The following ZHX2 variants were observed in gnomAD, a reference collection of about 807,000 sequenced individuals.
The protein encoded by ZHX2 is zinc fingers and homeoboxes protein 2.
In ZHX2, 6 loss-of-function variants were observed where a neutral mutation model predicts 21.9. The observed-to-expected ratio is 0.27, with a 90% CI of 0.15 to 0.54. ZHX2 has a LOEUF of 0.54. ZHX2 is among the 20% of genes least tolerant of loss of function. ZHX2 has a pLI of 0.95. For missense variants in ZHX2, 908 were observed against 1,090.7 expected (o/e 0.83, Z 2.36); for synonymous variants, 434 against 437.1 (o/e 0.99, Z 0.09).
chr8:122,883,001 C>A (rs1819751271), intron 2 of ZHX2, among the ~76,000 whole-genome samples: 1 of 151,966 alleles, frequency 6.6e-6, no homozygotes, highest in Non-Finnish European at 1.5e-5. Flanking sequence ...AACAAACAAA[C>A]AAAAAATCAC....
chr8:122,850,867 C>T (rs951153559), intron 1 of ZHX2, among the ~76,000 whole-genome samples: 9 of 152,124 alleles, frequency 5.9e-5, no homozygotes, highest in Admixed American at 4.6e-4. Context: ...AGAGCAAAAG[C>T]CAAGTCCTCC....
Position 122,953,673 on chromosome 8 carries a change from G to T in ZHX2, c.2163G>T (p.Lys721Asn). The T allele has an allele frequency of 6.2e-7, 1 of 1,614,232 alleles. No individual in the cohort carries two copies. The highest frequency in any genetic ancestry group is 2.2e-5 in the East Asian group (1 of 44,880). ...CAAAACCCATGGCCGAGAGCCCAAA[G>T]AACGGGGGTGATGTGGTTCCACAAT... ...KATKPMAESPKNGGDVVPQYY... is the reference protein window; with the variant it reads ...KATKPMAESPNNGGDVVPQYY... The change falls in exon 3 of 4, where the codon AAG (lysine) becomes AAT (asparagine). Residue 721 changes from lysine to asparagine, a missense_variant. Physicochemically the swap from Lys to Asn is moderately conservative, Grantham distance 94. Around this residue, in one of 4 missense-constraint regions of ZHX2, gnomAD observed 431 missense variants for 428.6 expected, o/e 1.01. Transcript: ENST00000314393. The surrounding 1 kb of genome is among the most constrained non-coding windows in gnomAD (Gnocchi z 4.6).
rs563146765 is a variant in ZHX2 at position 122,940,573 on chromosome 8, G to A, written c.-219-10719G>A. 8.5e-5 allele frequency among the ~76,000 whole-genome samples: 13 copies of A among 152,188 alleles called. No individual in the cohort carries two copies. The South Asian group carries it at 2.7e-3, about 32-fold the overall frequency. On this transcript the variant is annotated intron_variant, in intron 2 of 3. Transcript: ENST00000314393. ...ACAGACCTCACTTCAAACTTCCATG[G>A]GCCACTCATGAAGCTTTTTTGGTTA...
chr8:122,813,341 G>A (rs138672783), intron 1 of ZHX2, among the ~76,000 whole-genome samples: 2,285 of 152,220 alleles, frequency 0.015, 34 homozygotes, highest in South Asian at 0.062. Flanking sequence ...CATTTCCCAT[G>A]GGTGTCTGGG....
intron 2 of ZHX2, among the ~76,000 whole-genome samples, chr8:122,909,210 C>T (rs1432162664): frequency 6.6e-6 from 1 of 152,052 alleles, no homozygotes; most frequent in Non-Finnish European, 1.5e-5. Flanking sequence ...GTGGGTGGAT[C>T]ACTTGAGGTC....
intron 2 of ZHX2, among the ~76,000 whole-genome samples, chr8:122,901,968 C>G (rs80275170): frequency 2.4e-4 from 37 of 152,162 alleles, no homozygotes; most frequent in African/African-American, 8.9e-4. Context: ...AGCACTGTAG[C>G]CCTTGAATTT....
At position 122,818,374 on chromosome 8, in the gene ZHX2, A is replaced by C. The variant is rs148739253; in HGVS notation, c.-283+36428A>C. On this transcript the variant is annotated intron_variant, in intron 1 of 3. Transcript: ENST00000314393. ...TCATACCCCTCGTGTCTGCAAGGCG[A>C]ATATGACCATGTTTCATCCCCATGT... Among the ~76,000 whole-genome samples, 235 of 151,990 alleles carry C rather than the reference A, an allele frequency of 1.5e-3. 1 individual carries two copies. The highest frequency in any genetic ancestry group is 5.1e-3 in the African/African-American group (211 of 41,444).
In ZHX2 at chr8:122,850,627, G is replaced by A. The variant is rs188845382; in HGVS notation, c.-282-12850G>A. On this transcript the variant is annotated intron_variant, in intron 1 of 3. Transcript: ENST00000314393. ...TGCACTCCAGCCTGGGCAAGAAAGC[G>A]AGACTCTGTCTCAAAAAAAAAAAAA... Among the ~76,000 whole-genome samples the A allele has an allele frequency of 6.1e-4, 78 of 126,888 alleles. No individual in the cohort carries two copies. In the South Asian group the frequency reaches 0.014, roughly 23 times the overall value. 83.2% of individuals were successfully genotyped at this position (126,888 alleles called of 152,430 possible).
rs77812004 is a variant in ZHX2 at position 122,821,087 on chromosome 8, G to C, written c.-283+39141G>C. ...CCTCGCCATGGAAAGCCACACAGCC[G>C]TTCACATCTGGGTAGCAGTGAGGGG... On this transcript the variant is annotated intron_variant, in intron 1 of 3. Transcript: ENST00000314393. 4.7e-4 allele frequency among the ~76,000 whole-genome samples: 72 copies of C among 152,320 alleles called. 1 individual carries two copies. Among genetic ancestry groups the C allele is most frequent in the African/African-American group, 1.7e-3 (69 of 41,558 alleles).
intron 1 of ZHX2, among the ~76,000 whole-genome samples, chr8:122,817,440 G>A (rs187049355): frequency 2.8e-3 from 430 of 152,326 alleles, no homozygotes; most frequent in African/African-American, 9.8e-3. Context: ...AACTTGAAGA[G>A]GCTGCAACCA....
At chr8:122,841,989 G>A (rs745585638) in intron 1 of ZHX2, among the ~76,000 whole-genome samples, 8 of 152,254 alleles carry the variant, frequency 5.3e-5, no homozygotes, top group East Asian at 3.9e-4. Flanking sequence ...GGAAATGTGC[G>A]CAGACATAGT....
intron 2 of ZHX2, among the ~76,000 whole-genome samples, chr8:122,923,447 G>C (rs755625468): frequency 6.6e-6 from 1 of 152,178 alleles, no homozygotes; most frequent in African/African-American, 2.4e-5. Context: ...TTAAACTGTC[G>C]TAGGTTCTTA....
intron 2 of ZHX2, among the ~76,000 whole-genome samples, chr8:122,905,383 T>C (rs1248946480): frequency 6.6e-6 from 1 of 151,984 alleles, no homozygotes; most frequent in Admixed American, 6.5e-5. Flanking sequence ...CACAACATTT[T>C]TTTTAAAAAC....
At chr8:122,807,136 T>TCGAAG (rs1817841561) in intron 1 of ZHX2, among the ~76,000 whole-genome samples, 1 of 152,172 alleles carries the variant, frequency 6.6e-6, no homozygotes. Context: ...TGTTGGATCA[T>TCGAAG]CGAAGCCTGG....
chr8:122,928,991 TC>T, intron 2 of ZHX2, among the ~76,000 whole-genome samples: 1 of 152,232 alleles, frequency 6.6e-6, no homozygotes, highest in East Asian at 1.9e-4. Context: ...ATTGAATATT[TC>T]CTATATACCA....
chr8:122,847,027 G>T (rs905765299), intron 1 of ZHX2, among the ~76,000 whole-genome samples: 1 of 152,154 alleles, frequency 6.6e-6, no homozygotes, highest in African/African-American at 2.4e-5. Context: ...AGCTGATGTT[G>T]TTGTTATTGC....
chr8:122,915,531 TC>T (rs1351454408), intron 2 of ZHX2, among the ~76,000 whole-genome samples: 1 of 152,238 alleles, frequency 6.6e-6, no homozygotes, highest in African/African-American at 2.4e-5. Context: ...CCTGTCCTGA[TC>T]CTTTGGGGAT....
rs1813103108 is a variant in ZHX2 at position 122,951,304 on chromosome 8, C to G, written c.-207C>G. On this transcript the variant is annotated 5_prime_UTR_variant, in exon 3 of 4. Transcript: ENST00000314393. ...TTCTTGTCCACAGATATGATGCTTC[C>G]TGGTGTGTTTAGTGGTTGGTGCCAT... The G allele has an allele frequency of 3.5e-6, 2 of 572,372 alleles. No individual in the cohort carries two copies. The highest frequency in any genetic ancestry group is 1.9e-5 in the African/African-American group (1 of 53,472). The allele number at this position is 572,372 out of a possible 1,614,324, so 35.5% of individuals were successfully genotyped here.
intron 2 of ZHX2, among the ~76,000 whole-genome samples, chr8:122,917,927 A>G (rs528662879): frequency 6.6e-6 from 1 of 152,288 alleles, no homozygotes; most frequent in Admixed American, 6.5e-5. Flanking sequence ...GATTCTTCTC[A>G]ACACACTGCA....
Sources: allele counts gnomAD v4.1 joint callset (sites outside exome capture counted in the v4.1 genomes callset), GRCh38; gene constraint gnomAD v4.1.1; regional missense constraint gnomAD v4.1.1; non-coding constraint Gnocchi (gnomAD v3.1); transcripts MANE v1.5; gene names NCBI Gene and HGNC (gene_info 2026-07-23, HGNC 2026-07-21).